FAM89B: variants seen among roughly 807,000 people sequenced by gnomAD.
The protein encoded by FAM89B is family with sequence similarity 89 member B, also known as leucine repeat adapter protein 25.
In FAM89B, 9 loss-of-function variants were observed where a neutral mutation model predicts 13.4. The observed-to-expected ratio is 0.67, with a 90% CI of 0.40 to 1.17. The LOEUF (loss-of-function observed/expected upper bound fraction) is 1.17. Ranked by LOEUF, FAM89B falls within the 50% of genes most tolerant of loss-of-function variation. The pLI, the probability that FAM89B is intolerant of heterozygous loss-of-function variation, is 0.01. For synonymous variants in FAM89B, 138 were observed against 121.2 expected (o/e 1.14, Z -0.91); for missense variants, 256 against 256.1 (o/e 1.00, Z 0.00).
At position 65,573,607 on chromosome 11, in the gene FAM89B, AGTGGCT is replaced by A; in HGVS notation, c.538_543del (p.Trp180_Leu181del). ...CCCCAGACGCACAATGCCCGTGACC[AGTGGCT>A]GCAGGATGCCTTCCACATCAGCCTC... On this transcript the variant is annotated inframe_deletion, in exon 2 of 2. Transcript: ENST00000530349. 6.2e-7 allele frequency: 1 copy of A among 1,610,760 alleles called. No individual in the cohort carries two copies. Among genetic ancestry groups the A allele is most frequent in the Non-Finnish European group, 8.5e-7 (1 of 1,179,592 alleles).
chr11:65,572,829 G>A lies in FAM89B; in HGVS notation c.160G>A (p.Glu54Lys), dbSNP rs1308626906. The A allele has an allele frequency of 1.7e-6, 2 of 1,200,322 alleles. No homozygotes were observed. Among genetic ancestry groups the A allele is most frequent in the Non-Finnish European group, 2.1e-6 (2 of 963,590 alleles). 74.4% of individuals were successfully genotyped at this position (1,200,322 alleles called of 1,614,324 possible). Reference sequence around the variant, plus strand: ...CAGCCAGCGCAGCCGCATCCACGACGAGCTGAGCCGCGCCGCCCGCGCCCC... The same window carrying A: ...CAGCCAGCGCAGCCGCATCCACGACAAGCTGAGCCGCGCCGCCCGCGCCCC... The part of the protein sequence containing the change: ...VYSQRSRIHD[E>K]LSRAARAPDG... The change falls in exon 1 of 2, where the codon GAG becomes AAG. Residue 54 changes from glutamate to lysine, a missense_variant. Physicochemically the swap from Glu to Lys is moderately conservative, Grantham distance 56. Coordinates refer to ENST00000530349, the MANE Select transcript of FAM89B (RefSeq NM_001098785.2).
In FAM89B at chr11:65,573,812, G is replaced by A. The variant is rs1039092189; in HGVS notation, c.*171G>A. On this transcript the variant is annotated 3_prime_UTR_variant, in exon 2 of 2. Transcript: ENST00000530349. ...TGCCAAACTCTTTCTCCTGTCTTGG[G>A]TTGGCTGGCACTGGGGCGGGCATCT... is the stretch of plus-strand genomic sequence containing the variant. 28 of 827,392 alleles carry A rather than the reference G, an allele frequency of 3.4e-5. No individual in the cohort carries two copies. In the East Asian group the frequency reaches 7.5e-4, roughly 22 times the overall value. The allele number at this position is 827,392 out of a possible 1,614,324, so 51.3% of individuals were successfully genotyped here.
chr11:65,573,697 C>A lies in FAM89B; in HGVS notation c.*56C>A, dbSNP rs1248672588. The stretch of plus-strand genomic sequence containing the variant: ...GCAAAAGGCTCAGAAACTCCCCCTC[C>A]GGCAAGCCCTCAGACTTCGGAGCCT... On this transcript the variant is annotated 3_prime_UTR_variant, in exon 2 of 2. Coordinates refer to ENST00000530349, the MANE Select transcript of FAM89B (RefSeq NM_001098785.2). The A allele has an allele frequency of 6.5e-7, 1 of 1,529,036 alleles. No individual in the cohort carries two copies. Among genetic ancestry groups the A allele is most frequent in the East Asian group, 2.3e-5 (1 of 43,812 alleles). 94.7% of individuals were successfully genotyped at this position (1,529,036 alleles called of 1,614,324 possible).
chr11:65,573,536 G>A lies in FAM89B; in HGVS notation c.465G>A (p.Glu155=). The part of the protein sequence containing the change: ...PPDAGLSDDE[E]PPDASLPPDP... ...ATGCGGGCCTGTCTGACGACGAGGA[G>A]CCTCCCGATGCCAGCCTGCCTCCTG... The change falls in exon 2 of 2, where the codon GAG becomes GAA. Residue 155 remains glutamate, a synonymous_variant. Coordinates refer to ENST00000530349, the MANE Select transcript of FAM89B (RefSeq NM_001098785.2). The A allele has an allele frequency of 6.2e-7, 1 of 1,614,050 alleles. No homozygotes were observed. The highest frequency in any genetic ancestry group is 8.5e-7 in the Non-Finnish European group (1 of 1,180,022).
Position 65,572,771 on chromosome 11 carries a change from C to A in FAM89B, c.102C>A (p.Ser34Arg). Residue 34 changes from serine to arginine, a missense_variant, in exon 1 of 2, where the codon AGC (serine) becomes AGA (arginine). By Grantham distance (110) the Ser-to-Arg change is moderately radical. Coordinates refer to ENST00000530349, the MANE Select transcript of FAM89B (RefSeq NM_001098785.2). ...PRGLSGLLNA[S>R]GGSWRELERV... ...GCCTCAGCGGCCTCCTTAATGCGAG[C>A]GGGGGCTCGTGGCGGGAGCTGGAGC... is the stretch of plus-strand genomic sequence containing the variant. 1 of 1,196,884 alleles carries A rather than the reference C, an allele frequency of 8.4e-7. No individual in the cohort carries two copies. Among genetic ancestry groups the A allele is most frequent in the South Asian group, 3.0e-5 (1 of 33,240 alleles). The allele number at this position is 1,196,884 out of a possible 1,614,324, so 74.1% of individuals were successfully genotyped here. A position where few individuals can be genotyped will look rare whatever the true frequency, so the allele number is the denominator to read the frequency against.
chr11:65,572,801 C>G lies in FAM89B; in HGVS notation c.132C>G (p.Val44=). ...GCTCGTGGCGGGAGCTGGAGCGCGT[C>G]TACAGCCAGCGCAGCCGCATCCACG... ...SGGSWRELER[V]YSQRSRIHDE... Residue 44 remains valine, a synonymous_variant, in exon 1 of 2, where the codon GTC becomes GTG. Coordinates refer to ENST00000530349, the MANE Select transcript of FAM89B (RefSeq NM_001098785.2). 1 of 1,206,436 alleles carries G rather than the reference C, an allele frequency of 8.3e-7. No homozygotes were observed. Among genetic ancestry groups the G allele is most frequent in the East Asian group, 4.0e-5 (1 of 24,910 alleles). The allele number at this position is 1,206,436 out of a possible 1,614,324, so 74.7% of individuals were successfully genotyped here.
chr11:65,573,687 A>C lies in FAM89B; in HGVS notation c.*46A>C. ...ATGCACCCATGCAAAAGGCTCAGAA[A>C]CTCCCCCTCCGGCAAGCCCTCAGAC... On this transcript the variant is annotated 3_prime_UTR_variant, in exon 2 of 2. Coordinates refer to ENST00000530349, the MANE Select transcript of FAM89B (RefSeq NM_001098785.2). The C allele has an allele frequency of 6.5e-7, 1 of 1,529,302 alleles. No homozygotes were observed. Among genetic ancestry groups the C allele is most frequent in the Non-Finnish European group, 8.8e-7 (1 of 1,140,796 alleles). 94.7% of individuals were successfully genotyped at this position (1,529,302 alleles called of 1,614,324 possible). A position where few individuals can be genotyped will look rare whatever the true frequency, so the allele number is the denominator to read the frequency against.
chr11:65,573,204 A>G (rs1857163654), intron 1 of FAM89B, 159 bp from the exon 2 acceptor site: 3 of 989,406 alleles, frequency 3.0e-6, no homozygotes, highest in African/African-American at 1.7e-5. Context: ...GGTGAGGGTC[A>G]TGACTAAAGT....
chr11:65,573,376 A>C lies in FAM89B; in HGVS notation c.305A>C (p.Gln102Pro). 1 of 1,559,494 alleles carries C rather than the reference A, an allele frequency of 6.4e-7. No individual in the cohort carries two copies. Among genetic ancestry groups the C allele is most frequent in the Non-Finnish European group, 8.7e-7 (1 of 1,145,960 alleles). ...AGTTGTCTGCAGGTGGGGCTGCGGC[A>C]GTTGGACATGTCCTTGTTGTGCCAG... ...ALRKEMVGLR[Q>P]LDMSLLCQLW... The change falls in exon 2 of 2, where the codon CAG becomes CCG. Residue 102 changes from glutamine (Q) to proline (P), a missense_variant. Gln to Pro is a moderately conservative substitution (Grantham distance 76, BLOSUM62 -1). Transcript: ENST00000530349.
chr11:65,573,228 G>C, intron 1 of FAM89B, 135 bp from the exon 2 acceptor site: 1 of 1,130,056 alleles, frequency 8.8e-7, no homozygotes, highest in Non-Finnish European at 1.2e-6. Flanking sequence ...ATAGCTTGCA[G>C]GTGGTGCCTG....
chr11:65,573,343 C>G lies in FAM89B; in HGVS notation c.292-20C>G, dbSNP rs745979355. The G allele has an allele frequency of 2.0e-6, 3 of 1,526,632 alleles. No homozygotes were observed. The highest frequency in any genetic ancestry group is 2.8e-5 in the African/African-American group (2 of 72,430). The allele number at this position is 1,526,632 out of a possible 1,614,324, so 94.6% of individuals were successfully genotyped here. A position where few individuals can be genotyped will look rare whatever the true frequency, so the allele number is the denominator to read the frequency against. ...GGGTGGCCTGGACCCCAACTCCAGC[C>G]CACCCTCAGTTGTCTGCAGGTGGGG... On this transcript the variant is annotated intron_variant, in intron 1 of 1. Transcript: ENST00000530349.
At chr11:65,573,269 C>T in intron 1 of FAM89B, 94 bp from the exon 2 acceptor site, 8 of 1,348,732 alleles carry the variant, frequency 5.9e-6, no homozygotes, top group Admixed American at 3.2e-5. Flanking sequence ...TAGGAAGGTG[C>T]GGGGAAGATG....
chr11:65,573,811 G>C lies in FAM89B; in HGVS notation c.*170G>C, dbSNP rs1334087373. The C allele has an allele frequency of 1.2e-6, 1 of 839,566 alleles. No individual in the cohort carries two copies. The highest frequency in any genetic ancestry group is 1.7e-5 in the African/African-American group (1 of 57,870). The allele number at this position is 839,566 out of a possible 1,614,324, so 52.0% of individuals were successfully genotyped here. On this transcript the variant is annotated 3_prime_UTR_variant, in exon 2 of 2. Transcript: ENST00000530349. Reference sequence around the variant, plus strand: ...CTGCCAAACTCTTTCTCCTGTCTTGGGTTGGCTGGCACTGGGGCGGGCATC... The same window carrying C: ...CTGCCAAACTCTTTCTCCTGTCTTGCGTTGGCTGGCACTGGGGCGGGCATC...
At position 65,573,764 on chromosome 11, in the gene FAM89B, C is replaced by T; in HGVS notation, c.*123C>T. On this transcript the variant is annotated 3_prime_UTR_variant, in exon 2 of 2. Coordinates refer to ENST00000530349, the MANE Select transcript of FAM89B (RefSeq NM_001098785.2). Reference sequence around the variant, plus strand: ...CGCCTCACCTCACAGGAGGGCCAGGCATGTATTCCTCAGAGGCGAAACTGC... The same window carrying T: ...CGCCTCACCTCACAGGAGGGCCAGGTATGTATTCCTCAGAGGCGAAACTGC... 1 of 1,215,678 alleles carries T rather than the reference C, an allele frequency of 8.2e-7. No homozygotes were observed. The highest frequency in any genetic ancestry group is 1.1e-6 in the Non-Finnish European group (1 of 888,608). 75.3% of individuals were successfully genotyped at this position (1,215,678 alleles called of 1,614,324 possible).
At chr11:65,573,325 C>G (rs916749459) in intron 1 of FAM89B, 38 bp from the exon 2 acceptor site, 3 of 1,509,392 alleles carry the variant, frequency 2.0e-6, no homozygotes, top group Non-Finnish European at 1.8e-6. Flanking sequence ...CTGGGGTGGC[C>G]TGGACCCCAA....
Position 65,574,035 on chromosome 11 carries a change from AT to A in FAM89B, c.*395del, listed in dbSNP as rs1313346478. 5.8e-6 allele frequency: 1 copy of A among 173,726 alleles called. No individual in the cohort carries two copies. 10.8% of individuals were successfully genotyped at this position (173,726 alleles called of 1,614,324 possible). On this transcript the variant is annotated 3_prime_UTR_variant, in exon 2 of 2. Transcript: ENST00000530349. ...TATCGGCAGCTGCTGGCTCAGGGGC[AT>A]CCCACCTCCGGGCTCTGGGTTCCTC...
chr11:65,573,006 A>G, intron 1 of FAM89B, 46 bp downstream of exon 1: 1 of 1,221,736 alleles, frequency 8.2e-7, no homozygotes, highest in Non-Finnish European at 1.0e-6. Context: ...GCTGACGCGG[A>G]GGAACGCAGG....
chr11:65,573,767 G>A lies in FAM89B; in HGVS notation c.*126G>A. 8.3e-7 allele frequency: 1 copy of A among 1,199,070 alleles called. No individual in the cohort carries two copies. Among genetic ancestry groups the A allele is most frequent in the Non-Finnish European group, 1.1e-6 (1 of 875,738 alleles). 74.3% of individuals were successfully genotyped at this position (1,199,070 alleles called of 1,614,324 possible). A position where few individuals can be genotyped will look rare whatever the true frequency, so the allele number is the denominator to read the frequency against. On this transcript the variant is annotated 3_prime_UTR_variant, in exon 2 of 2. Coordinates refer to ENST00000530349, the MANE Select transcript of FAM89B (RefSeq NM_001098785.2). ...CTCACCTCACAGGAGGGCCAGGCATGTATTCCTCAGAGGCGAAACTGCCAA... is the reference window on the plus strand; with the variant it reads ...CTCACCTCACAGGAGGGCCAGGCATATATTCCTCAGAGGCGAAACTGCCAA...
chr11:65,572,803 A>G lies in FAM89B; in HGVS notation c.134A>G (p.Tyr45Cys), dbSNP rs1857155501. Residue 45 changes from tyrosine to cysteine, a missense_variant, in exon 1 of 2, where the codon TAC (tyrosine) becomes TGC (cysteine). Coordinates refer to ENST00000530349, the MANE Select transcript of FAM89B (RefSeq NM_001098785.2). ...TCGTGGCGGGAGCTGGAGCGCGTCTACAGCCAGCGCAGCCGCATCCACGAC... is the reference window on the plus strand; with the variant it reads ...TCGTGGCGGGAGCTGGAGCGCGTCTGCAGCCAGCGCAGCCGCATCCACGAC... ...GGSWRELERV[Y>C]SQRSRIHDEL... is the part of the protein sequence containing the mutation. 2 of 1,205,672 alleles carry G rather than the reference A, an allele frequency of 1.7e-6. No individual in the cohort carries two copies. Among genetic ancestry groups the G allele is most frequent in the Non-Finnish European group, 2.1e-6 (2 of 963,792 alleles). The allele number at this position is 1,205,672 out of a possible 1,614,324, so 74.7% of individuals were successfully genotyped here. A position where few individuals can be genotyped will look rare whatever the true frequency, so the allele number is the denominator to read the frequency against.
Sources: allele counts gnomAD v4.1 joint callset, GRCh38; gene constraint gnomAD v4.1.1; transcripts MANE v1.5; gene names NCBI Gene and HGNC (gene_info 2026-07-23, HGNC 2026-07-21).